ABR: variants seen among roughly 807,000 people sequenced by gnomAD.
ABR encodes active breakpoint cluster region-related protein.
In ABR, 35 loss-of-function variants were observed where a neutral mutation model predicts 107.2. The observed-to-expected ratio is 0.33, with a 90% CI of 0.25 to 0.43. ABR has a LOEUF of 0.43. ABR is among the 20% of genes least tolerant of loss of function. The pLI, the probability that ABR is intolerant of heterozygous loss-of-function variation, is 1.00. For missense variants in ABR, 815 were observed against 1,115.2 expected (o/e 0.73, Z 3.83); for synonymous variants, 498 against 462.0 (o/e 1.08, Z -1.00).
intron 20 of ABR, chr17:1,009,991 C>A (rs1041905557): frequency 2.2e-5 from 13 of 601,376 alleles, no homozygotes; most frequent in Non-Finnish European, 3.3e-5. Flanking sequence ...GTAACTCAGC[C>A]AGGAGGCCGG....
At chr17:1,175,075 G>A (rs2041871072) in intron 1 of ABR, among the ~76,000 whole-genome samples, 1 of 152,112 alleles carries the variant, frequency 6.6e-6, no homozygotes, top group Admixed American at 6.6e-5. Flanking sequence ...AAGATGATAC[G>A]TGTTTAGCAG....
rs528898124 is a variant in ABR, at chr17:1,026,465, C to T, written c.1792-13301G>A. ...GTCACGGTCCAGAAAGGAGATCCCT[C>T]CAGATTTCGGCTCAGGAGCTGGTTC... On this transcript the variant is annotated intron_variant, in intron 16 of 22. Coordinates refer to ENST00000302538, the MANE Select transcript of ABR (RefSeq NM_021962.5). 3.7e-3 allele frequency among the ~76,000 whole-genome samples: 558 copies of T among 152,316 alleles called. 1 individual carries two copies. The highest frequency in any genetic ancestry group is 0.013 in the African/African-American group (536 of 41,580).
Position 1,004,917 on chromosome 17 carries a change from G to T in ABR, c.*1163C>A. 2.5e-6 allele frequency: 1 copy of T among 398,058 alleles called. No homozygotes were observed. Among genetic ancestry groups the T allele is most frequent in the Admixed American group, 4.4e-5 (1 of 22,724 alleles). 24.7% of individuals were successfully genotyped at this position (398,058 alleles called of 1,614,324 possible). A position where few individuals can be genotyped will look rare whatever the true frequency, so the allele number is the denominator to read the frequency against. ...CTGTGGAGTGTGTGTAAAATCTAAGGCAAGAGTACCACGAGGTCCTGCGGT... is the reference window on the plus strand; with the variant it reads ...CTGTGGAGTGTGTGTAAAATCTAAGTCAAGAGTACCACGAGGTCCTGCGGT... On this transcript the variant is annotated 3_prime_UTR_variant, in exon 23 of 23. Coordinates refer to ENST00000302538, the MANE Select transcript of ABR (RefSeq NM_021962.5).
rs59004026 is a variant in ABR at position 1,100,126 on chromosome 17, TAAAAAAAAAAAA to T, written c.345+499_345+510del. On this transcript the variant is annotated intron_variant, in intron 3 of 22. Transcript: ENST00000302538. ...GGGTGACAAGAGCAAAGCTCCGTCTTAAAAAAAAAAAAAAAAAAAAAAAGAACACAGCCTCCC... is the reference window on the plus strand; with the variant it reads ...GGGTGACAAGAGCAAAGCTCCGTCTTAAAAAAAAAAAGAACACAGCCTCCC... Among the ~76,000 whole-genome samples, 13 of 110,180 alleles carry T rather than the reference TAAAAAAAAAAAA, an allele frequency of 1.2e-4. No homozygotes were observed. In the East Asian group the frequency reaches 3.0e-3, roughly 25 times the overall value. 72.3% of individuals were successfully genotyped at this position (110,180 alleles called of 152,430 possible). A position where few individuals can be genotyped will look rare whatever the true frequency, so the allele number is the denominator to read the frequency against.
At chr17:1,144,672 A>C (rs2040456825) in intron 1 of ABR, among the ~76,000 whole-genome samples, 2 of 151,988 alleles carry the variant, frequency 1.3e-5, no homozygotes, top group African/African-American at 4.8e-5. Context: ...TGGGTGGATC[A>C]CCTGAGGTCA....
At chr17:1,177,613 G>T (rs1460000557) in intron 1 of ABR, among the ~76,000 whole-genome samples, 1 of 152,010 alleles carries the variant, frequency 6.6e-6, no homozygotes, top group Admixed American at 6.5e-5. Context: ...ACTTGGAAAT[G>T]ATCAGCTCAG....
At chr17:1,122,948 C>T (rs2039415325) in intron 2 of ABR, among the ~76,000 whole-genome samples, 1 of 152,230 alleles carries the variant, frequency 6.6e-6, no homozygotes, top group Admixed American at 6.5e-5. Context: ...AGAAGTCCCC[C>T]CTGTTCCCAA....
chr17:1,083,597 C>G lies in ABR; in HGVS notation c.562G>C (p.Val188Leu), dbSNP rs1205426601. The change falls in exon 5 of 23, where the codon GTC becomes CTC. Residue 188 changes from valine to leucine, a missense_variant. Val to Leu is a conservative substitution (Grantham distance 32). Around this residue, in one of 5 missense-constraint regions of ABR, gnomAD observed 385 missense variants for 596.9 expected, o/e 0.64. Coordinates refer to ENST00000302538, the MANE Select transcript of ABR (RefSeq NM_021962.5). The part of the protein sequence containing the change: ...ASQLGVYKAF[V>L]DNYKVALETA... ...TCCAGAGCGACTTTATAGTTATCGA[C>G]AAACGCTTTGTACACACCGAGCTGG... The G allele has an allele frequency of 6.2e-7, 1 of 1,609,088 alleles. No homozygotes were observed. Among genetic ancestry groups the G allele is most frequent in the East Asian group, 2.2e-5 (1 of 44,530 alleles).
intron 1 of ABR, among the ~76,000 whole-genome samples, chr17:1,201,853 A>G (rs2042677752): frequency 6.6e-6 from 1 of 151,860 alleles, no homozygotes; most frequent in Admixed American, 6.6e-5. Flanking sequence ...ATTTTTTTGT[A>G]TGTTTAGTAG....
At position 1,179,684 on chromosome 17, in the gene ABR, A is replaced by G. The variant is rs1207544769; in HGVS notation, c.44T>C (p.Ile15Thr). Reference protein sequence around the residue: ...SHRGLPRLSWIDTLYSNFSYG... With the variant: ...SHRGLPRLSWTDTLYSNFSYG... The stretch of plus-strand genomic sequence containing the variant: ...ACACGTACTGCTGTAGAGGGTGTCG[A>G]TCCAGGACAGGCGCGGCAGGCCCCG... Residue 15 changes from isoleucine (I) to threonine (T), a missense_variant, in exon 1 of 23, where the codon ATC becomes ACC. By Grantham distance (89) the Ile-to-Thr change is moderately conservative (BLOSUM62 -1). Coordinates refer to ENST00000302538, the MANE Select transcript of ABR (RefSeq NM_021962.5). This position sits in a 1 kb window ranked among gnomAD's most constrained non-coding sequence, Gnocchi z 4.9. 1.3e-6 allele frequency: 2 copies of G among 1,564,070 alleles called. No individual in the cohort carries two copies. Among genetic ancestry groups the G allele is most frequent in the African/African-American group, 2.8e-5 (2 of 70,922 alleles).
At chr17:1,034,106 G>T (rs1307038517) in intron 16 of ABR, among the ~76,000 whole-genome samples, 1 of 151,848 alleles carries the variant, frequency 6.6e-6, no homozygotes, top group Admixed American at 6.6e-5. Flanking sequence ...GAGTAGATGG[G>T]ACTACACACA....
Position 1,135,150 on chromosome 17 carries a change from G to A in ABR, c.62-9783C>T, listed in dbSNP as rs1008113800. Among the ~76,000 whole-genome samples the A allele has an allele frequency of 9.2e-5, 14 of 152,118 alleles. No individual in the cohort carries two copies. In the East Asian group the frequency reaches 1.9e-3, roughly 21 times the overall value. On this transcript the variant is annotated intron_variant, in intron 1 of 22. Coordinates refer to ENST00000302538, the MANE Select transcript of ABR (RefSeq NM_021962.5). ...GTGGGAAACAGCAGGGCCCCTGGAG[G>A]GGACTATAAATAGCCAGGAGGGCTA...
chr17:1,155,442 A>G (rs1442372729), intron 1 of ABR, among the ~76,000 whole-genome samples: 1 of 152,214 alleles, frequency 6.6e-6, no homozygotes, highest in African/African-American at 2.4e-5. Context: ...CTAAAGCTAA[A>G]CAACATGTAG....
intron 2 of ABR, among the ~76,000 whole-genome samples, chr17:1,121,699 T>C (rs1208254183): frequency 0.17 from 10,272 of 60,150 alleles, no homozygotes; most frequent in Admixed American, 0.23. Flanking sequence ...GCTCTGAGCC[T>C]TGCTGTGGTC....
intron 16 of ABR, among the ~76,000 whole-genome samples, chr17:1,017,461 CCTCT>C (rs2071247272): frequency 7.2e-6 from 1 of 138,666 alleles, no homozygotes; most frequent in Non-Finnish European, 1.5e-5. Flanking sequence ...GCGGCCATGC[CCTCT>C]TTTTTTTTTT....
intron 16 of ABR, among the ~76,000 whole-genome samples, chr17:1,039,839 T>C (rs11657949): frequency 0.19 from 29,562 of 152,054 alleles, 3,130 homozygotes; most frequent in Middle Eastern, 0.29. Flanking sequence ...GGGCCTGACA[T>C]GCACTCCTGG....
rs553754961 is a variant in ABR, at chr17:1,165,840, G to A, written c.61+13827C>T. On this transcript the variant is annotated intron_variant, in intron 1 of 22. Coordinates refer to ENST00000302538, the MANE Select transcript of ABR (RefSeq NM_021962.5). ...GGGCCACCATGTCCAGCCCCAAAAC[G>A]AAAATTTTCAAGTGAGAGCAGCCTT... 3.8e-4 allele frequency among the ~76,000 whole-genome samples: 58 copies of A among 152,238 alleles called. 1 individual carries two copies. Among genetic ancestry groups the A allele is most frequent in the African/African-American group, 1.2e-3 (48 of 41,550 alleles).
At chr17:1,201,076 G>A (rs2042662512) in intron 1 of ABR, among the ~76,000 whole-genome samples, 1 of 152,234 alleles carries the variant, frequency 6.6e-6, no homozygotes, top group Non-Finnish European at 1.5e-5. Context: ...CAGGGCCCAA[G>A]CCCCAAACCC....
chr17:1,056,137 G>C, intron 13 of ABR, 28 bp from the exon 14 acceptor site: 1 of 1,607,720 alleles, frequency 6.2e-7, no homozygotes, highest in Non-Finnish European at 8.5e-7. Flanking sequence ...CCCCAGGGCA[G>C]AGGGTGGTCA....
Sources: gnomAD v4.1 joint callset for allele counts (sites outside exome capture counted in the v4.1 genomes callset) on GRCh38, gnomAD v4.1.1 for gene constraint, gnomAD v4.1.1 regional missense constraint, Gnocchi (gnomAD v3.1) non-coding constraint, MANE v1.5 for transcripts, NCBI Gene and HGNC (gene_info 2026-07-23, HGNC 2026-07-21) for gene names.